ASIC2: variants seen among roughly 807,000 people sequenced by gnomAD.
ASIC2 encodes acid sensing ion channel subunit 2.
In ASIC2, 25 loss-of-function variants were observed where a neutral mutation model predicts 57.3. That is an observed-to-expected ratio of 0.44 (90% CI 0.32 to 0.61). ASIC2 has a LOEUF of 0.61. ASIC2 is among the 20% of genes least tolerant of loss of function. ASIC2 has a pLI of 0.06. For missense variants in ASIC2, 641 were observed against 738.1 expected (o/e 0.87, Z 1.52); for synonymous variants, 319 against 307.5 (o/e 1.04, Z -0.39).
intron 1 of ASIC2, among the ~76,000 whole-genome samples, chr17:33,326,104 A>G (rs1364920056): frequency 6.6e-6 from 1 of 152,214 alleles, no homozygotes; most frequent in African/African-American, 2.4e-5. Context: ...TGGCAGCAAG[A>G]CATTTTTTGG....
intron 1 of ASIC2, among the ~76,000 whole-genome samples, chr17:34,088,140 T>C (rs1238338156): frequency 1.3e-5 from 2 of 152,250 alleles, no homozygotes; most frequent in African/African-American, 2.4e-5. Flanking sequence ...TTCCAGTTTT[T>C]CTGCTCTGTA....
intron 1 of ASIC2, among the ~76,000 whole-genome samples, chr17:33,885,248 A>G (rs910130309): frequency 6.6e-6 from 1 of 152,146 alleles, no homozygotes; most frequent in Non-Finnish European, 1.5e-5. Flanking sequence ...CCGCTGTGCC[A>G]CTCTGCTACA....
At chr17:34,122,507 C>T (rs560079441) in intron 1 of ASIC2, among the ~76,000 whole-genome samples, 21 of 152,186 alleles carry the variant, frequency 1.4e-4, no homozygotes, top group African/African-American at 1.9e-4. Flanking sequence ...CTAGAGAGAG[C>T]GAGTCTTTCT....
At chr17:33,223,475 G>T (rs1907760750) in intron 1 of ASIC2, among the ~76,000 whole-genome samples, 3 of 152,128 alleles carry the variant, frequency 2.0e-5, no homozygotes, top group Non-Finnish European at 2.9e-5. Context: ...GAGCCACCAT[G>T]CCCGGCCCCC....
At chr17:34,143,920 A>G (rs574953156) in intron 1 of ASIC2, among the ~76,000 whole-genome samples, 2 of 152,206 alleles carry the variant, frequency 1.3e-5, no homozygotes, top group East Asian at 3.9e-4. Context: ...TTTATAAATT[A>G]CCCAGTCTCG....
At chr17:34,015,199 A>C (rs7207606) in intron 1 of ASIC2, among the ~76,000 whole-genome samples, 1 of 151,352 alleles carries the variant, frequency 6.6e-6, no homozygotes, top group Admixed American at 6.6e-5. Context: ...ACGAGCAACT[A>C]TGCCTAGCCT....
At chr17:33,999,299 T>TA (rs542334289) in intron 1 of ASIC2, among the ~76,000 whole-genome samples, 51 of 152,174 alleles carry the variant, frequency 3.4e-4, no homozygotes, top group African/African-American at 1.1e-3. Context: ...GTTGGGTCTT[T>TA]AAAAAAAATC....
intron 1 of ASIC2, among the ~76,000 whole-genome samples, chr17:33,370,307 C>T (rs1042485711): frequency 2.6e-5 from 4 of 152,218 alleles, no homozygotes; most frequent in Non-Finnish European, 5.9e-5. Flanking sequence ...AAGAACACCA[C>T]CCCCAACCCC....
chr17:33,766,142 T>C (rs1184729074), intron 1 of ASIC2, among the ~76,000 whole-genome samples: 1 of 152,194 alleles, frequency 6.6e-6, no homozygotes, highest in Non-Finnish European at 1.5e-5. Context: ...TACAATGAGA[T>C]ATTTTGAGAG....
rs536119604 is a variant in ASIC2 at position 33,237,285 on chromosome 17, G to A, written c.708+54123C>T. ...CTGAGGCTGCAGAATGGAGGCCACA[G>A]CAGGGTTTGTGGTGGGAGAAGGTAT... On this transcript the variant is annotated intron_variant, in intron 1 of 9. Coordinates refer to ENST00000225823, the MANE Select transcript of ASIC2 (RefSeq NM_183377.2). Among the ~76,000 whole-genome samples the A allele has an allele frequency of 5.3e-5, 8 of 152,304 alleles. No individual in the cohort carries two copies. The South Asian group carries it at 1.7e-3, about 32-fold the overall frequency.
chr17:34,035,083 G>A (rs1907813575), intron 1 of ASIC2, among the ~76,000 whole-genome samples: 2 of 150,858 alleles, frequency 1.3e-5, no homozygotes, highest in Non-Finnish European at 2.9e-5. Flanking sequence ...GAAAGCTGGA[G>A]GCATCACGCT....
At position 33,423,937 on chromosome 17, in the gene ASIC2, T is replaced by C. The variant is rs1417879951; in HGVS notation, c.556-311870A>G. On this transcript the variant is annotated intron_variant, in intron 1 of 9. Transcript: ENST00000359872. ...CAGTTGCTGTGTGGCTTTGGACAAG[T>C]CCTTTTTCCTCTCTGTGCCTCAGTT... 2.6e-5 allele frequency among the ~76,000 whole-genome samples: 4 copies of C among 152,212 alleles called. No homozygotes were observed. In the East Asian group the frequency reaches 7.7e-4, roughly 29 times the overall value.
At chr17:33,402,024 A>G (rs560177501) in intron 1 of ASIC2, among the ~76,000 whole-genome samples, 1 of 152,300 alleles carries the variant, frequency 6.6e-6, no homozygotes, top group African/African-American at 2.4e-5. Flanking sequence ...CCACAAGGCA[A>G]GAAAGCTGTT....
chr17:33,091,279 G>A (rs1485550869), intron 2 of ASIC2, among the ~76,000 whole-genome samples: 1 of 152,170 alleles, frequency 6.6e-6, no homozygotes, highest in Non-Finnish European at 1.5e-5. Flanking sequence ...CGGGGGTTGA[G>A]GAGAGAGTGT....
At chr17:33,028,015 C>T (rs1294017756) in intron 4 of ASIC2, among the ~76,000 whole-genome samples, 4 of 152,250 alleles carry the variant, frequency 2.6e-5, no homozygotes, top group Non-Finnish European at 5.9e-5. Context: ...CTGGGATGAA[C>T]ATTCCCCAAA....
intron 1 of ASIC2, among the ~76,000 whole-genome samples, chr17:34,030,189 G>T (rs1907539016): frequency 6.6e-6 from 1 of 152,206 alleles, no homozygotes; most frequent in African/African-American, 2.4e-5. Context: ...GCCCAAGAAA[G>T]AGTGCACACT....
rs151284832 is a variant in ASIC2, at chr17:33,373,013, C to CTGA, written c.556-260949_556-260947dup. On this transcript the variant is annotated intron_variant, in intron 1 of 9. Coordinates refer to the ASIC2 transcript ENST00000359872. ...CTCCATCAGTGATGCCCCTGGGGTT[C>CTGA]TGATGCTTTGGGCAAGGGTGGGGAC... Among the ~76,000 whole-genome samples the CTGA allele has an allele frequency of 5.3e-3, 807 of 152,236 alleles. 4 individuals carry two copies. The highest frequency in any genetic ancestry group is 0.018 in the African/African-American group (764 of 41,528).
intron 1 of ASIC2, among the ~76,000 whole-genome samples, chr17:33,749,590 C>T (rs954826524): frequency 3.9e-5 from 6 of 152,064 alleles, no homozygotes; most frequent in African/African-American, 1.2e-4. Context: ...CTGGACCGCC[C>T]TCTCCATGGC....
At chr17:33,729,387 A>G (rs1909667646) in intron 1 of ASIC2, among the ~76,000 whole-genome samples, 1 of 152,042 alleles carries the variant, frequency 6.6e-6, no homozygotes, top group African/African-American at 2.4e-5. Context: ...CATGATCCAA[A>G]CACCTCCCCA....
Sources: gnomAD v4.1 joint callset for allele counts (sites outside exome capture counted in the v4.1 genomes callset) on GRCh38, gnomAD v4.1.1 for gene constraint, MANE v1.5 for transcripts, NCBI Gene and HGNC (gene_info 2026-07-23, HGNC 2026-07-21) for gene names.